The following PCDH11X variants were observed in gnomAD, a reference collection of about 807,000 sequenced individuals.
The protein encoded by PCDH11X is protocadherin-11 X-linked.
In PCDH11X, 18 loss-of-function variants were observed where a neutral mutation model predicts 53.3. The observed-to-expected ratio is 0.34, with a 90% CI of 0.23 to 0.50. The LOEUF (loss-of-function observed/expected upper bound fraction) is 0.50. Ranked by LOEUF, PCDH11X falls within the 20% of genes least tolerant of loss-of-function variation. The probability of loss-of-function intolerance (pLI) is 0.98; values close to 1 mark genes in which losing one functional copy is unlikely to be tolerated. For missense variants in PCDH11X, 570 were observed against 1,032.4 expected, an observed-to-expected ratio of 0.55 and a Z score of 6.14; for synonymous variants, 279 against 393.3, an observed-to-expected ratio of 0.71 and a Z score of 3.44.
chrX:92,218,912 A>T (rs58536610), intron 7 of PCDH11X, among the ~76,000 whole-genome samples: 3,720 of 111,528 alleles, frequency 0.033, 155 homozygotes, highest in African/African-American at 0.12. Flanking sequence ...CAGTAAATGT[A>T]ATCCAGCATA....
intron 6 of PCDH11X, among the ~76,000 whole-genome samples, chrX:92,111,314 T>G (rs2064506196): frequency 1.9e-5 from 2 of 107,406 alleles, no homozygotes; most frequent in South Asian, 8.3e-4. Context: ...ATCAGTAGTT[T>G]TTTACAAGTC....
At chrX:91,912,474 T>G (rs1478600600) in intron 6 of PCDH11X, among the ~76,000 whole-genome samples, 3 of 110,430 alleles carry the variant, frequency 2.7e-5, no homozygotes, top group African/African-American at 9.9e-5. Context: ...GTTTTTATCA[T>G]GAAGTGATGT....
chrX:92,149,477 A>G (rs183792273), intron 6 of PCDH11X, among the ~76,000 whole-genome samples: 1,363 of 87,091 alleles, frequency 0.016, 28 homozygotes, highest in African/African-American at 0.064. Context: ...GTGTGTATAT[A>G]TGTGTGTGTG....
intron 7 of PCDH11X, among the ~76,000 whole-genome samples, chrX:92,222,797 C>G (rs1013028766): frequency 1.8e-5 from 2 of 111,512 alleles, no homozygotes; most frequent in Non-Finnish European, 3.8e-5. Flanking sequence ...CCTAGATTTC[C>G]CCTTGGTCCA....
chrX:92,132,117 C>T (rs866874006), intron 6 of PCDH11X, among the ~76,000 whole-genome samples: 2 of 41,094 alleles, frequency 4.9e-5, no homozygotes, highest in Non-Finnish European at 9.7e-5. Flanking sequence ...ACTAAAAATA[C>T]AAAAAAAAAA....
intron 8 of PCDH11X, among the ~76,000 whole-genome samples, chrX:92,302,148 T>A (rs2068737215): frequency 9.0e-6 from 1 of 111,538 alleles, no homozygotes; most frequent in Non-Finnish European, 1.9e-5. Flanking sequence ...TGCATTTACC[T>A]GAAACTTAGC....
intron 6 of PCDH11X, among the ~76,000 whole-genome samples, chrX:91,967,326 A>G (rs1190370086): frequency 9.0e-6 from 1 of 110,564 alleles, no homozygotes; most frequent in East Asian, 2.9e-4. Flanking sequence ...CAGGCTGCAC[A>G]GCAGGAGGTG....
intron 10 of PCDH11X, among the ~76,000 whole-genome samples, chrX:92,498,935 A>G (rs1430346254): frequency 3.6e-5 from 3 of 83,832 alleles, no homozygotes; most frequent in Non-Finnish European, 7.0e-5. Flanking sequence ...AATATCTATT[A>G]TAACAAAACT....
chrX:92,252,374 TACAC>T (rs757873528), intron 7 of PCDH11X, among the ~76,000 whole-genome samples: 95 of 104,575 alleles, frequency 9.1e-4, no homozygotes, highest in African/African-American at 2.6e-3. Context: ...TTTGTCATGT[TACAC>T]ACACACACAC....
Position 92,058,415 on chromosome X carries a change from A to G in PCDH11X, c.3034-142960A>G, listed in dbSNP as rs755592362. On this transcript the variant is annotated intron_variant, in intron 6 of 10. Coordinates refer to ENST00000682573, the MANE Select transcript of PCDH11X (RefSeq NM_032968.5). The stretch of plus-strand genomic sequence containing the variant: ...CCTTCTGAATCTAAAATAAAATCGA[A>G]TAACAAAAAACCAATTTTTGGACTA... Among the ~76,000 whole-genome samples, 110 of 110,385 alleles carry G rather than the reference A, an allele frequency of 1.0e-3. 1 individual carries two copies. The highest frequency in any genetic ancestry group is 3.6e-3 in the African/African-American group (108 of 30,237).
chrX:92,514,472 G>A (rs2074219938), intron 10 of PCDH11X, among the ~76,000 whole-genome samples: 1 of 110,163 alleles, frequency 9.1e-6, no homozygotes, highest in African/African-American at 3.3e-5. Flanking sequence ...GCTCACGCCA[G>A]TAATCCCAGC....
intron 5 of PCDH11X, among the ~76,000 whole-genome samples, chrX:91,869,362 G>GA (rs1310304842): frequency 9.0e-6 from 1 of 110,762 alleles, no homozygotes; most frequent in Non-Finnish European, 1.9e-5. Flanking sequence ...ATATTTCAGT[G>GA]AAAAAATCAT....
chrX:92,110,653 T>A lies in PCDH11X; in HGVS notation c.3034-90722T>A, dbSNP rs2064483017. On this transcript the variant is annotated intron_variant, in intron 6 of 10. Coordinates refer to ENST00000682573, the MANE Select transcript of PCDH11X (RefSeq NM_032968.5). ...GTCTGGCAGGCTGGGTGACTGCACCTGTAAAGATAAGCTATCAATTTGCAT... is the reference window on the plus strand; with the variant it reads ...GTCTGGCAGGCTGGGTGACTGCACCAGTAAAGATAAGCTATCAATTTGCAT... 7.2e-5 allele frequency among the ~76,000 whole-genome samples: 8 copies of A among 111,421 alleles called. No homozygotes were observed. The Admixed American group carries it at 7.7e-4, about 11-fold the overall frequency.
chrX:92,032,428 C>T (rs1209091021), intron 6 of PCDH11X, among the ~76,000 whole-genome samples: 4 of 110,780 alleles, frequency 3.6e-5, no homozygotes, highest in South Asian at 3.8e-4. Flanking sequence ...ATCAGCAAAC[C>T]AAGATAATTT....
chrX:91,835,444 C>T lies in PCDH11X; in HGVS notation c.-44-17C>T, dbSNP rs1937257990. On this transcript the variant is annotated splice_polypyrimidine_tract_variant and intron_variant, in intron 4 of 10. Transcript: ENST00000682573. ...AATTTCTTCTTCCTCTTCTCTCTCT[C>T]CTCTTCTTTTGGTCAGTGTTGTGCG... 1 of 1,207,967 alleles carries T rather than the reference C, an allele frequency of 8.3e-7. No homozygotes were observed. The highest frequency in any genetic ancestry group is 1.8e-5 in the African/African-American group (1 of 56,553).
rs773340399 is a variant in PCDH11X, at chrX:92,150,333, A to G, written c.3034-51042A>G. On this transcript the variant is annotated intron_variant, in intron 6 of 10. Transcript: ENST00000682573. ...GTATGACATTATTGCTTAAATTTAC[A>G]TTTTCTTAATGACTGCAGATGTCAA... 4.6e-5 allele frequency among the ~76,000 whole-genome samples: 5 copies of G among 108,323 alleles called. No individual in the cohort carries two copies. In the East Asian group the frequency reaches 1.4e-3, roughly 31 times the overall value. The allele number at this position is 108,323 out of a possible 115,157, so 94.1% of individuals were successfully genotyped here. A position where few individuals can be genotyped will look rare whatever the true frequency, so the allele number is the denominator to read the frequency against.
intron 8 of PCDH11X, among the ~76,000 whole-genome samples, chrX:92,273,883 T>G (rs1022016366): frequency 1.8e-5 from 2 of 110,893 alleles, no homozygotes; most frequent in African/African-American, 6.6e-5. Flanking sequence ...AGATTCAGCA[T>G]AGTCCTGCCA....
intron 10 of PCDH11X, among the ~76,000 whole-genome samples, chrX:92,533,572 G>A (rs1038166420): frequency 6.4e-5 from 7 of 108,744 alleles, no homozygotes; most frequent in Admixed American, 2.0e-4. Context: ...TTTCAAAGGG[G>A]ACAAGCACTT....
At chrX:91,859,816 G>C (rs1351409003) in intron 5 of PCDH11X, among the ~76,000 whole-genome samples, 1 of 105,794 alleles carries the variant, frequency 9.5e-6, no homozygotes, top group Non-Finnish European at 1.9e-5. Flanking sequence ...TGTTGCATTT[G>C]TCTATGTTTC....
Sources: gnomAD v4.1 joint callset for allele counts (sites outside exome capture counted in the v4.1 genomes callset) on GRCh38, gnomAD v4.1.1 for gene constraint, MANE v1.5 for transcripts, NCBI Gene and HGNC (gene_info 2026-07-23, HGNC 2026-07-21) for gene names.